Variants in WWOX observed in about 807,000 individuals in gnomAD.
The protein encoded by WWOX is WW domain containing oxidoreductase.
A neutral mutation model predicts 46.2 loss-of-function variants in WWOX; 69 were observed. That is an observed-to-expected ratio of 1.49 (90% CI 1.23 to 1.82). The LOEUF (loss-of-function observed/expected upper bound fraction) is 1.82. Among genes scored for constraint, WWOX ranks in the 40% most tolerant of loss-of-function variants. The pLI is 0.00. For missense variants in WWOX, 919 were observed against 542.6 expected, an observed-to-expected ratio of 1.69 and a Z score of -6.89; for synonymous variants, 359 against 202.6, an observed-to-expected ratio of 1.77 and a Z score of -6.56.
At chr16:78,870,298 A>G (rs1481357817) in intron 8 of WWOX, among the ~76,000 whole-genome samples, 1 of 152,162 alleles carries the variant, frequency 6.6e-6, no homozygotes, top group Non-Finnish European at 1.5e-5. Context: ...ATGTATAGAC[A>G]CACATTACTT....
At chr16:79,089,193 C>A (rs1339716393) in intron 8 of WWOX, among the ~76,000 whole-genome samples, 1 of 152,136 alleles carries the variant, frequency 6.6e-6, no homozygotes, top group Non-Finnish European at 1.5e-5. Flanking sequence ...GTTTCTTGAC[C>A]TTTTATGAGT....
intron 8 of WWOX, among the ~76,000 whole-genome samples, chr16:78,572,813 G>T (rs2044751029): frequency 1.3e-5 from 2 of 151,984 alleles, no homozygotes; most frequent in South Asian, 4.2e-4. Flanking sequence ...AAACAGAATG[G>T]TGCCATGGCG....
rs1178959246 is a variant in WWOX, at chr16:79,005,214, A to C, written c.1057-206394A>C. ...TTGCCTGTGGACCTCAGGATTTGTA[A>C]GGCCATCTCCACCCACCTACAGCTA... On this transcript the variant is annotated intron_variant, in intron 8 of 8. Transcript: ENST00000566780. 2.0e-5 allele frequency among the ~76,000 whole-genome samples: 3 copies of C among 152,006 alleles called. No homozygotes were observed. In the East Asian group the frequency reaches 5.8e-4, roughly 29 times the overall value.
intron 8 of WWOX, among the ~76,000 whole-genome samples, chr16:78,968,606 C>G (rs1480301921): frequency 1.3e-5 from 2 of 152,240 alleles, no homozygotes; most frequent in East Asian, 3.9e-4. Flanking sequence ...TCCCAAGGAC[C>G]CTGTTGAGAG....
At chr16:78,733,520 G>A (rs2049013397) in intron 8 of WWOX, among the ~76,000 whole-genome samples, 1 of 151,530 alleles carries the variant, frequency 6.6e-6, no homozygotes, top group Non-Finnish European at 1.5e-5. Context: ...GGACGAGGTG[G>A]GCGGATCACG....
At chr16:78,859,046 ATAT>A (rs1567608621) in intron 8 of WWOX, among the ~76,000 whole-genome samples, 3 of 27,966 alleles carry the variant, frequency 1.1e-4, no homozygotes, top group Non-Finnish European at 2.5e-4. Context: ...ATATATATAT[ATAT>A]GTATATATAT....
chr16:78,600,798 A>G (rs187605488), intron 8 of WWOX, among the ~76,000 whole-genome samples: 2 of 152,108 alleles, frequency 1.3e-5, no homozygotes, highest in East Asian at 1.9e-4. Flanking sequence ...GGAGTGCTCA[A>G]CCCTTTGAAT....
intron 8 of WWOX, among the ~76,000 whole-genome samples, chr16:78,434,458 G>T (rs979314463): frequency 1.3e-5 from 2 of 152,180 alleles, no homozygotes; most frequent in African/African-American, 4.8e-5. Context: ...TACATGAAAA[G>T]AAGGAATATG....
Position 78,701,653 on chromosome 16 carries a change from G to C in WWOX, c.1056+268901G>C, listed in dbSNP as rs548968759. 1.3e-4 allele frequency among the ~76,000 whole-genome samples: 20 copies of C among 152,058 alleles called. No individual in the cohort carries two copies. The East Asian group carries it at 3.5e-3, about 27-fold the overall frequency. The stretch of plus-strand genomic sequence containing the variant: ...TCTTTCCCTCTCCTCTGCAGGGAGA[G>C]CTTGGAAACCAAGAGTCTATGAGCT... On this transcript the variant is annotated intron_variant, in intron 8 of 8. Coordinates refer to ENST00000566780, the MANE Select transcript of WWOX (RefSeq NM_016373.4).
At chr16:78,510,887 G>C (rs1374268641) in intron 8 of WWOX, among the ~76,000 whole-genome samples, 1 of 152,146 alleles carries the variant, frequency 6.6e-6, no homozygotes, top group Non-Finnish European at 1.5e-5. Context: ...CACCTGCTTC[G>C]GTGCCTGGCA....
intron 8 of WWOX, among the ~76,000 whole-genome samples, chr16:78,847,017 G>A (rs980273956): frequency 1.3e-5 from 2 of 152,170 alleles, no homozygotes; most frequent in East Asian, 1.9e-4. Context: ...GAGGTCTTTC[G>A]GGCAGGTTCC....
At chr16:78,408,298 A>C (rs1447554638) in intron 6 of WWOX, among the ~76,000 whole-genome samples, 1 of 151,936 alleles carries the variant, frequency 6.6e-6, no homozygotes, top group Non-Finnish European at 1.5e-5. Context: ...TGTTGCCTTC[A>C]CTTTAACCTT....
chr16:78,102,491 A>G (rs962343495), intron 1 of WWOX, among the ~76,000 whole-genome samples: 2 of 152,340 alleles, frequency 1.3e-5, no homozygotes, highest in South Asian at 2.1e-4. Context: ...TTAAAGGGAC[A>G]TTTCCAGCAG....
chr16:78,909,953 C>T (rs572143432), intron 8 of WWOX, among the ~76,000 whole-genome samples: 33 of 152,270 alleles, frequency 2.2e-4, no homozygotes, highest in Non-Finnish European at 4.3e-4. Flanking sequence ...TCTTCTCTCC[C>T]TGGTACATAA....
At chr16:78,143,447 C>T (rs2034056909) in intron 4 of WWOX, among the ~76,000 whole-genome samples, 1 of 152,168 alleles carries the variant, frequency 6.6e-6, no homozygotes, top group Non-Finnish European at 1.5e-5. Context: ...AAATCCAGCC[C>T]CCCGAGGCCC....
chr16:79,031,846 TATA>T (rs1012921535), intron 8 of WWOX, among the ~76,000 whole-genome samples: 31 of 138,442 alleles, frequency 2.2e-4, no homozygotes, highest in Admixed American at 6.6e-4. Context: ...TATATCTTAT[TATA>T]TATTATATAT....
intron 8 of WWOX, among the ~76,000 whole-genome samples, chr16:78,724,358 A>G (rs952434121): frequency 7.9e-5 from 12 of 152,200 alleles, no homozygotes; most frequent in Admixed American, 7.2e-4. Flanking sequence ...TGTGACCTTT[A>G]GCAACAACTC....
chr16:78,107,857 A>G (rs1368198065), intron 1 of WWOX, among the ~76,000 whole-genome samples: 3 of 152,166 alleles, frequency 2.0e-5, no homozygotes, highest in Non-Finnish European at 4.4e-5. Context: ...TAAATTAGAT[A>G]TTATGAATTT....
At chr16:78,743,566 A>G (rs892044031) in intron 8 of WWOX, among the ~76,000 whole-genome samples, 1 of 152,158 alleles carries the variant, frequency 6.6e-6, no homozygotes, top group Non-Finnish European at 1.5e-5. Flanking sequence ...GGAAAACACC[A>G]ACTTTCCACA....
Sources: allele counts gnomAD v4.1 joint callset (sites outside exome capture counted in the v4.1 genomes callset), GRCh38; gene constraint gnomAD v4.1.1; transcripts MANE v1.5; gene names NCBI Gene and HGNC (gene_info 2026-07-23, HGNC 2026-07-21).